The following ARHGEF11 variants were observed in gnomAD, a reference collection of about 807,000 sequenced individuals.
ARHGEF11 encodes Rho guanine nucleotide exchange factor 11.
ARHGEF11 carries 55 observed loss-of-function variants against 193.7 expected under a neutral mutation model. The observed-to-expected ratio is 0.28, with a 90% confidence interval of 0.23 to 0.36. The LOEUF (loss-of-function observed/expected upper bound fraction) is 0.36, where lower values mean the gene tolerates loss of function less well. Ranked by LOEUF, ARHGEF11 falls within the 10% of genes least tolerant of loss-of-function variation. ARHGEF11 has a pLI of 1.00. For missense variants in ARHGEF11, 1,723 were observed against 2,005.6 expected (o/e 0.86, Z 2.69); for synonymous variants, 693 against 768.0 (o/e 0.90, Z 1.62).
chr1:156,992,131 C>A (rs1332897963), intron 1 of ARHGEF11, among the ~76,000 whole-genome samples: 1 of 152,172 alleles, frequency 6.6e-6, no homozygotes, highest in Non-Finnish European at 1.5e-5. Flanking sequence ...CCCAAGTAAT[C>A]ATTTTCATTT....
chr1:156,970,542 G>T (rs186849921), intron 8 of ARHGEF11, among the ~76,000 whole-genome samples: 1 of 152,160 alleles, frequency 6.6e-6, no homozygotes, highest in Admixed American at 6.5e-5. Context: ...AATGGCTCTG[G>T]CTTAGGCATG....
chr1:156,952,298 C>T (rs762248392), intron 21 of ARHGEF11, among the ~76,000 whole-genome samples: 44 of 152,270 alleles, frequency 2.9e-4, no homozygotes, highest in Non-Finnish European at 4.7e-4. Context: ...CCTTTCAAAG[C>T]TAAGACAGAA....
intron 18 of ARHGEF11, among the ~76,000 whole-genome samples, chr1:156,957,522 T>G (rs1317790855): frequency 6.6e-6 from 1 of 152,192 alleles, no homozygotes; most frequent in African/African-American, 2.4e-5. Flanking sequence ...GGTATGGGAC[T>G]GTGAGAAGCG....
intron 18 of ARHGEF11, 81 bp downstream of exon 18, chr1:156,957,711 T>G (rs1660168585): frequency 4.8e-6 from 7 of 1,459,644 alleles, no homozygotes; most frequent in East Asian, 2.3e-5. Context: ...CCCCTGTGAT[T>G]GTCAGAAATG....
At position 156,961,789 on chromosome 1, in the gene ARHGEF11, G is replaced by C; in HGVS notation, c.1141-14C>G. 1 of 1,612,290 alleles carries C rather than the reference G, an allele frequency of 6.2e-7. No homozygotes were observed. The highest frequency in any genetic ancestry group is 8.5e-7 in the Non-Finnish European group (1 of 1,178,342). ...CAGGTAAAAAAGCTAGGAGGAGAGAGAACTGGGTTAGAGCAGTGGTTCTCC... is the reference window on the plus strand; with the variant it reads ...CAGGTAAAAAAGCTAGGAGGAGAGACAACTGGGTTAGAGCAGTGGTTCTCC... On this transcript the variant is annotated splice_polypyrimidine_tract_variant and intron_variant, in intron 13 of 40. Coordinates refer to ENST00000368194, the MANE Select transcript of ARHGEF11 (RefSeq NM_198236.3).
chr1:156,941,837 C>T, intron 34 of ARHGEF11, 27 bp downstream of exon 34: 1 of 1,582,414 alleles, frequency 6.3e-7, no homozygotes, highest in Non-Finnish European at 8.6e-7. Flanking sequence ...GGAGAGAGTG[C>T]AGGGTCTGGA....
At chr1:156,969,658 C>A (rs967201326) in intron 9 of ARHGEF11, among the ~76,000 whole-genome samples, 4 of 152,244 alleles carry the variant, frequency 2.6e-5, no homozygotes, top group South Asian at 2.1e-4. Flanking sequence ...TCAACTCCTT[C>A]CCAACCCTCT....
intron 18 of ARHGEF11, among the ~76,000 whole-genome samples, chr1:156,957,360 T>C (rs1346246391): frequency 6.6e-6 from 1 of 152,084 alleles, no homozygotes; most frequent in Non-Finnish European, 1.5e-5. Flanking sequence ...TTCTAACATG[T>C]GCCAAGAAAG....
chr1:157,000,154 C>T (rs1977687), intron 1 of ARHGEF11, among the ~76,000 whole-genome samples: 2 of 151,906 alleles, frequency 1.3e-5, no homozygotes, highest in Non-Finnish European at 2.9e-5. Context: ...GTAAAGATGG[C>T]GTTTTGCCAT....
At chr1:157,009,166 G>A (rs1372077636) in intron 1 of ARHGEF11, among the ~76,000 whole-genome samples, 2 of 152,182 alleles carry the variant, frequency 1.3e-5, no homozygotes, top group African/African-American at 4.8e-5. Flanking sequence ...GTGTCTCTGT[G>A]TCACATCTTA....
At position 156,948,797 on chromosome 1, in the gene ARHGEF11, G is replaced by C; in HGVS notation, c.1926-299C>G. ...ATGAAATCTGGGGCTAACAGACTCT[G>C]AGTTGTAGTGTGTCCAGAGGCCTGA... On this transcript the variant is annotated intron_variant, in intron 22 of 40. Transcript: ENST00000368194. The surrounding 1 kb of genome is among the most constrained non-coding windows in gnomAD (Gnocchi z 4.2). 1 of 985,452 alleles carries C rather than the reference G, an allele frequency of 1.0e-6. No individual in the cohort carries two copies. The highest frequency in any genetic ancestry group is 1.2e-6 in the Non-Finnish European group (1 of 829,940). The allele number at this position is 985,452 out of a possible 1,614,324, so 61.0% of individuals were successfully genotyped here. A position where few individuals can be genotyped will look rare whatever the true frequency, so the allele number is the denominator to read the frequency against.
chr1:156,937,103 T>A (rs1655573410), intron 39 of ARHGEF11, 98 bp from the exon 40 acceptor site: 1 of 1,567,576 alleles, frequency 6.4e-7, no homozygotes. Flanking sequence ...AGGGTGTGAT[T>A]TAAGGGTGGC....
intron 1 of ARHGEF11, among the ~76,000 whole-genome samples, chr1:156,995,580 G>A (rs1290459051): frequency 4.0e-5 from 6 of 149,832 alleles, no homozygotes; most frequent in Non-Finnish European, 7.4e-5. Context: ...TTTTGAGACA[G>A]GGTCTCACTC....
intron 7 of ARHGEF11, among the ~76,000 whole-genome samples, chr1:156,975,285 T>C (rs1663102157): frequency 6.6e-6 from 1 of 152,222 alleles, no homozygotes; most frequent in South Asian, 2.1e-4. Flanking sequence ...TCATTTTGAT[T>C]AGCATCTTCC....
At chr1:156,938,567 G>A (rs1002609046) in intron 37 of ARHGEF11, 54 bp from the exon 38 acceptor site, 4 of 1,558,094 alleles carry the variant, frequency 2.6e-6, no homozygotes, top group Non-Finnish European at 3.5e-6. Context: ...ACAAGGAAAG[G>A]GAAGGGAGAG....
rs3048557 is a variant in ARHGEF11, at chr1:157,035,870, A to AAT, written c.32+8427_32+8428dup. On this transcript the variant is annotated intron_variant, in intron 1 of 40. Transcript: ENST00000368194. ...GTATATATTTAGGAATATATATAGG[A>AAT]ATATATATAGGAATATATATAGGAA... 4.3e-5 allele frequency among the ~76,000 whole-genome samples: 6 copies of AAT among 138,192 alleles called. 1 individual carries two copies. The highest frequency in any genetic ancestry group is 7.5e-5 in the Admixed American group (1 of 13,374). The allele number at this position is 138,192 out of a possible 152,430, so 90.7% of individuals were successfully genotyped here.
intron 9 of ARHGEF11, among the ~76,000 whole-genome samples, 165 bp from the exon 10 acceptor site, chr1:156,969,523 T>A (rs1198724882): frequency 2.6e-5 from 4 of 152,166 alleles, no homozygotes; most frequent in African/African-American, 7.2e-5. Context: ...ACTCGGACAC[T>A]TCCCGGCACA....
At chr1:157,013,258 A>ATC (rs1294383523) in intron 1 of ARHGEF11, among the ~76,000 whole-genome samples, 84 of 11,722 alleles carry the variant, frequency 7.2e-3, no homozygotes, top group South Asian at 0.038. Flanking sequence ...ACTCCCCACT[A>ATC]TCACTCACAC....
At chr1:156,960,317 C>A in intron 15 of ARHGEF11, 101 bp downstream of exon 15, 4 of 1,198,828 alleles carry the variant, frequency 3.3e-6, no homozygotes, top group Admixed American at 1.8e-5. Flanking sequence ...GACGGTTGCC[C>A]AAGGACAGGG....
Sources: gnomAD v4.1 joint callset for allele counts (sites outside exome capture counted in the v4.1 genomes callset) on GRCh38, gnomAD v4.1.1 for gene constraint, Gnocchi (gnomAD v3.1) non-coding constraint, MANE v1.5 for transcripts, NCBI Gene and HGNC (gene_info 2026-07-23, HGNC 2026-07-21) for gene names.